Variants in CYP4F3 observed in about 807,000 individuals in gnomAD.
CYP4F3 encodes the protein cytochrome P450 4F3.
Under a neutral mutation model 54.8 loss-of-function variants are expected in CYP4F3, and 50 were observed. That is an observed-to-expected ratio of 0.91 (90% CI 0.73 to 1.16). The LOEUF (loss-of-function observed/expected upper bound fraction) is 1.16, where lower values mean the gene tolerates loss of function less well. CYP4F3 is among the 50% of genes most tolerant of loss of function. The probability of loss-of-function intolerance (pLI) is 0.00; values close to 1 mark genes in which losing one functional copy is unlikely to be tolerated. For missense variants in CYP4F3, 715 were observed against 676.2 expected (o/e 1.06, Z -0.64); for synonymous variants, 244 against 262.6 (o/e 0.93, Z 0.69).
rs760230229 is a variant in CYP4F3, at chr19:15,656,513, C to CTATG, written c.1116-1748_1116-1747insGTAT. Among the ~76,000 whole-genome samples, 656 of 69,376 alleles carry CTATG rather than the reference C, an allele frequency of 9.5e-3. 6 individuals carry two copies. The highest frequency in any genetic ancestry group is 0.023 in the Middle Eastern group (3 of 130). 45.5% of individuals were successfully genotyped at this position (69,376 alleles called of 152,430 possible). On this transcript the variant is annotated intron_variant, in intron 9 of 12. Coordinates refer to ENST00000221307, the MANE Select transcript of CYP4F3 (RefSeq NM_000896.3). ...TCTATCTATCTATCTATCTATCTAT[C>CTATG]TATCTATCTATTTCTATCATCTATC...
chr19:15,645,585 G>C, intron 2 of CYP4F3, 134 bp from the exon 3 acceptor site: 3 of 1,193,350 alleles, frequency 2.5e-6, no homozygotes, highest in Non-Finnish European at 3.5e-6. Context: ...GAAGCCCAGT[G>C]GGGGCTCAGC....
At position 15,647,235 on chromosome 19, in the gene CYP4F3, C is replaced by T. The variant is rs777644178; in HGVS notation, c.436C>T (p.Arg146Cys). ...LLLSAGEKWS[R>C]HRRMLTPAFH... ...GCTGAGTGCTGGTGAAAAGTGGAGC[C>T]GCCACCGTCGGATGCTGACGCCTGC... The change falls in exon 5 of 13, where the codon CGC becomes TGC. Residue 146 changes from arginine to cysteine, a missense_variant. Coordinates refer to ENST00000221307, the MANE Select transcript of CYP4F3 (RefSeq NM_000896.3). 61 of 1,614,054 alleles carry T rather than the reference C, an allele frequency of 3.8e-5. No individual in the cohort carries two copies. Among genetic ancestry groups the T allele is most frequent in the South Asian group, 3.6e-4 (33 of 91,092 alleles).
chr19:15,649,984 T>C lies in CYP4F3; in HGVS notation c.719T>C (p.Leu240Pro). Residue 240 changes from leucine to proline, a missense_variant, in exon 7 of 13, where the codon CTC (leucine) becomes CCC (proline). Physicochemically the swap from Leu to Pro is moderately conservative, Grantham distance 98 (BLOSUM62 -3). Transcript: ENST00000221307. ...GTGACAAAAAGACACCAGCAGATCCTCCTGTACATAGACTTCCTGTATTAT... is the reference window on the plus strand; with the variant it reads ...GTGACAAAAAGACACCAGCAGATCCCCCTGTACATAGACTTCCTGTATTAT... The part of the protein sequence containing the change: ...ALVTKRHQQI[L>P]LYIDFLYYLT... 1 of 1,614,152 alleles carries C rather than the reference T, an allele frequency of 6.2e-7. No homozygotes were observed. The highest frequency in any genetic ancestry group is 8.5e-7 in the Non-Finnish European group (1 of 1,180,028).
intron 8 of CYP4F3, 72 bp downstream of exon 8, chr19:15,652,707 C>T (rs929118395): frequency 7.4e-6 from 12 of 1,611,014 alleles, no homozygotes; most frequent in East Asian, 2.2e-5. Context: ...GGGTGGACCC[C>T]TCGCACTTCC....
At chr19:15,654,109 T>C (rs1245649833) in intron 9 of CYP4F3, among the ~76,000 whole-genome samples, 3 of 152,130 alleles carry the variant, frequency 2.0e-5, no homozygotes, top group Non-Finnish European at 2.9e-5. Context: ...AGAGGAAGCA[T>C]TGGAGTGGAC....
intron 2 of CYP4F3, 52 bp downstream of exon 2, chr19:15,641,665 G>C (rs765041412): frequency 1.7e-5 from 26 of 1,569,928 alleles, no homozygotes; most frequent in Non-Finnish European, 2.3e-5. Context: ...TGGACTTCCT[G>C]AGGGGTAAGA....
intron 3 of CYP4F3, 146 bp downstream of exon 3, chr19:15,646,009 C>T (rs1972615431): frequency 8.3e-7 from 1 of 1,211,110 alleles, no homozygotes; most frequent in Non-Finnish European, 1.1e-6. Flanking sequence ...TTCCATCTCC[C>T]CTGGACTTCC....
At chr19:15,649,737 G>C (rs552106664) in intron 6 of CYP4F3, among the ~76,000 whole-genome samples, 176 bp from the exon 7 acceptor site, 2 of 152,122 alleles carry the variant, frequency 1.3e-5, no homozygotes, top group African/African-American at 4.8e-5. Flanking sequence ...TGCAGGGAGA[G>C]ATAAGAGAGC....
At chr19:15,659,084 T>C (rs1475632304) in intron 12 of CYP4F3, 136 bp from the exon 13 acceptor site, 5 of 1,319,320 alleles carry the variant, frequency 3.8e-6, no homozygotes, top group Non-Finnish European at 2.1e-6. Context: ...CACATGGGGA[T>C]CCAGGCACGG....
At position 15,650,870 on chromosome 19, in the gene CYP4F3, T is replaced by TC. The variant is rs1445217141; in HGVS notation, c.918+687_918+688insC. Among the ~76,000 whole-genome samples the TC allele has an allele frequency of 1.5e-4, 6 of 39,492 alleles. 1 individual carries two copies. The highest frequency in any genetic ancestry group is 1.7e-3 in the East Asian group (1 of 592). The allele number at this position is 39,492 out of a possible 152,430, so 25.9% of individuals were successfully genotyped here. On this transcript the variant is annotated intron_variant, in intron 7 of 12. Coordinates refer to ENST00000221307, the MANE Select transcript of CYP4F3 (RefSeq NM_000896.3). The stretch of plus-strand genomic sequence containing the variant: ...TCTTTCTTTCTTTCTTTCTTTCTTT[T>TC]TCTCTCTCTCTCTTTCCTTTTTTTG...
rs572231110 is a variant in CYP4F3 at position 15,645,818 on chromosome 19, C to T, written c.298C>T (p.Arg100Cys). The change falls in exon 3 of 13, where the codon CGC becomes TGC. Residue 100 changes from arginine to cysteine, a missense_variant. Arg to Cys is a radical substitution (Grantham distance 180). Coordinates refer to ENST00000221307, the MANE Select transcript of CYP4F3 (RefSeq NM_000896.3). ...WWVGPWHAIVRIFHPTYIKPV... is the reference protein window; with the variant it reads ...WWVGPWHAIVCIFHPTYIKPV... ...GGTGGGGCCCTGGCACGCAATCGTC[C>T]GCATCTTCCACCCCACCTACATCAA... is the stretch of plus-strand genomic sequence containing the variant. The T allele has an allele frequency of 2.2e-5, 36 of 1,613,906 alleles. No homozygotes were observed. The Admixed American group carries it at 2.5e-4, about 11-fold the overall frequency.
At chr19:15,649,104 A>G in intron 5 of CYP4F3, 56 bp from the exon 6 acceptor site, 1 of 1,605,618 alleles carries the variant, frequency 6.2e-7, no homozygotes, top group Non-Finnish European at 8.5e-7. Flanking sequence ...TTGGGGTTGG[A>G]GAGCTGCTCA....
chr19:15,645,868 A>C lies in CYP4F3; in HGVS notation c.343+5A>C. 1 of 1,600,736 alleles carries C rather than the reference A, an allele frequency of 6.2e-7. No individual in the cohort carries two copies. The highest frequency in any genetic ancestry group is 8.5e-7 in the Non-Finnish European group (1 of 1,172,374). On this transcript the variant is annotated splice_donor_5th_base_variant and intron_variant, in intron 3 of 12. Transcript: ENST00000221307. ...AGCCTGTGCTCTTTGCTCCAGGTAGACACTGCACTGGCCACTCCAGGTAGA... is the reference window on the plus strand; with the variant it reads ...AGCCTGTGCTCTTTGCTCCAGGTAGCCACTGCACTGGCCACTCCAGGTAGA...
At chr19:15,641,219 C>T (rs1972452219) in intron 1 of CYP4F3, 196 bp from the exon 2 acceptor site, 2 of 623,116 alleles carry the variant, frequency 3.2e-6, no homozygotes, top group East Asian at 5.6e-5. Flanking sequence ...TACCGGGTAA[C>T]TGGAGGCCAC....
intron 5 of CYP4F3, 94 bp downstream of exon 5, chr19:15,647,418 T>A (rs1599886451): frequency 1.3e-6 from 2 of 1,562,948 alleles, no homozygotes; most frequent in Non-Finnish European, 1.7e-6. Flanking sequence ...GCTGGGTGCC[T>A]CTGGGCCATT....
At chr19:15,641,669 G>A in intron 2 of CYP4F3, 56 bp downstream of exon 2, 1 of 1,556,390 alleles carries the variant, frequency 6.4e-7, no homozygotes, top group Non-Finnish European at 8.8e-7. Flanking sequence ...CTTCCTGAGG[G>A]GTAAGAATGA....
intron 1 of CYP4F3, 119 bp from the exon 2 acceptor site, chr19:15,641,296 T>C (rs1204682979): frequency 8.5e-6 from 11 of 1,301,368 alleles, no homozygotes; most frequent in Non-Finnish European, 1.2e-5. Context: ...CCATCCCTGT[T>C]TACTCTTACT....
At chr19:15,650,722 T>TTTTCTCTCTTTCTTTCTTTC (rs1568397949) in intron 7 of CYP4F3, among the ~76,000 whole-genome samples, 3 of 46,730 alleles carry the variant, frequency 6.4e-5, no homozygotes, top group African/African-American at 3.2e-4. Context: ...CTTTCTTTCT[T>TTTTCTCTCTTTCTTTCTTTC]TCTTTCTTTC....
rs778575873 is a variant in CYP4F3 at position 15,647,272 on chromosome 19, A to G, written c.473A>G (p.Asn158Ser). The G allele has an allele frequency of 2.5e-6, 4 of 1,614,034 alleles. No homozygotes were observed. Among genetic ancestry groups the G allele is most frequent in the Admixed American group, 1.7e-5 (1 of 60,004 alleles). Residue 158 changes from asparagine (N) to serine (S), a missense_variant, in exon 5 of 13, where the codon AAC becomes AGC. Transcript: ENST00000221307. ...ATGCTGACGCCTGCCTTCCATTTCA[A>G]CATCCTGAAGCCCTATATGAAGATT... ...RRMLTPAFHFNILKPYMKIFN... is the reference protein window; with the variant it reads ...RRMLTPAFHFSILKPYMKIFN...
Sources: gnomAD v4.1 joint callset for allele counts (sites outside exome capture counted in the v4.1 genomes callset) on GRCh38, gnomAD v4.1.1 for gene constraint, MANE v1.5 for transcripts, NCBI Gene and HGNC (gene_info 2026-07-23, HGNC 2026-07-21) for gene names.